The following TFCP2 variants were observed in gnomAD, a reference collection of about 807,000 sequenced individuals.
The protein encoded by TFCP2 is transcription factor CP2, also known as alpha-globin transcription factor CP2.
In TFCP2, 33 loss-of-function variants were observed where a neutral mutation model predicts 73.4. That is an observed-to-expected ratio of 0.45 (90% CI 0.34 to 0.60). TFCP2 has a LOEUF of 0.60. Ranked by LOEUF, TFCP2 falls within the 20% of genes least tolerant of loss-of-function variation. The probability of loss-of-function intolerance (pLI) is 0.01; values close to 1 mark genes in which losing one functional copy is unlikely to be tolerated. For synonymous variants in TFCP2, 193 were observed against 211.6 expected (o/e 0.91, Z 0.76); for missense variants, 352 against 604.0 (o/e 0.58, Z 4.37).
chr12:51,166,844 C>A (rs1178482258), intron 1 of TFCP2, among the ~76,000 whole-genome samples: 2 of 152,172 alleles, frequency 1.3e-5, no homozygotes, highest in African/African-American at 4.8e-5. Flanking sequence ...TTTTGCAAAA[C>A]CCATCATCAT....
intron 1 of TFCP2, among the ~76,000 whole-genome samples, chr12:51,120,765 C>T (rs935636035): frequency 6.6e-6 from 1 of 151,658 alleles, no homozygotes; most frequent in African/African-American, 2.4e-5. Flanking sequence ...CCCATCTCTA[C>T]TATTAATAAA....
At chr12:51,137,667 C>CA (rs1255889990) in intron 1 of TFCP2, among the ~76,000 whole-genome samples, 2 of 152,008 alleles carry the variant, frequency 1.3e-5, no homozygotes, top group Non-Finnish European at 2.9e-5. Flanking sequence ...TCCAGTTAGG[C>CA]AAAAAATGGC....
At chr12:51,161,241 C>T (rs1002268009) in intron 1 of TFCP2, among the ~76,000 whole-genome samples, 6 of 152,020 alleles carry the variant, frequency 3.9e-5, no homozygotes, top group African/African-American at 1.2e-4. Flanking sequence ...ATGCAGCTTT[C>T]GTAAGTAACA....
intron 8 of TFCP2, among the ~76,000 whole-genome samples, chr12:51,105,086 C>T (rs928287351): frequency 1.3e-5 from 2 of 150,594 alleles, no homozygotes; most frequent in Non-Finnish European, 3.0e-5. Flanking sequence ...CTCCACACTC[C>T]AGTTTTTCTT....
intron 1 of TFCP2, among the ~76,000 whole-genome samples, chr12:51,145,118 T>A (rs1157595013): frequency 6.6e-6 from 1 of 151,234 alleles, no homozygotes; most frequent in East Asian, 1.9e-4. Context: ...GGAGAATCGC[T>A]TGAACCTGGG....
intron 1 of TFCP2, among the ~76,000 whole-genome samples, chr12:51,124,157 G>A (rs150116202): frequency 4.4e-4 from 67 of 151,758 alleles, no homozygotes; most frequent in Non-Finnish European, 6.2e-4. Context: ...GTACAGTGGC[G>A]TGATCAAAGC....
chr12:51,154,929 C>T (rs1437656140), intron 1 of TFCP2, among the ~76,000 whole-genome samples: 7 of 152,096 alleles, frequency 4.6e-5, no homozygotes, highest in Admixed American at 4.6e-4. Context: ...GCGGGTAAAG[C>T]ATGATTTCTG....
chr12:51,128,351 G>A (rs1287470573), intron 1 of TFCP2, among the ~76,000 whole-genome samples: 1 of 151,868 alleles, frequency 6.6e-6, no homozygotes, highest in Non-Finnish European at 1.5e-5. Context: ...AACTAGTATT[G>A]GCATTAGGAG....
chr12:51,122,179 C>T (rs950211981), intron 1 of TFCP2, among the ~76,000 whole-genome samples: 1 of 149,772 alleles, frequency 6.7e-6, no homozygotes, highest in Non-Finnish European at 1.5e-5. Flanking sequence ...GTCTGAATAA[C>T]AATGTTATTA....
Position 51,104,154 on chromosome 12 carries a change from C to T in TFCP2, c.966+1G>A, listed in dbSNP as rs1207422822. The T allele has an allele frequency of 6.2e-7, 1 of 1,614,054 alleles. No individual in the cohort carries two copies. The highest frequency in any genetic ancestry group is 8.5e-7 in the Non-Finnish European group (1 of 1,179,938). On this transcript the variant is annotated splice_donor_variant, in intron 9 of 14. Transcript: ENST00000257915. LOFTEE classifies it high-confidence loss of function. ...TAACTGACATTCAACTTTAGACTTA[C>T]ATCTGTGACTGGAGGGGGTGGCTCT...
At chr12:51,105,360 G>C (rs749455833) in intron 8 of TFCP2, among the ~76,000 whole-genome samples, 10 of 152,084 alleles carry the variant, frequency 6.6e-5, no homozygotes, top group Non-Finnish European at 1.2e-4. Context: ...CCAAAGTGCT[G>C]GGATTGCAGG....
chr12:51,146,566 G>A (rs571109155), intron 1 of TFCP2, among the ~76,000 whole-genome samples: 4 of 152,168 alleles, frequency 2.6e-5, no homozygotes, highest in South Asian at 2.1e-4. Flanking sequence ...ATGCAGAACC[G>A]AAACACCTGA....
chr12:51,162,457 A>AAG (rs1265233121), intron 1 of TFCP2, among the ~76,000 whole-genome samples: 1 of 149,942 alleles, frequency 6.7e-6, no homozygotes, highest in African/African-American at 2.5e-5. Flanking sequence ...AAAAAAAAAA[A>AAG]AAAGAAAAGA....
intron 1 of TFCP2, among the ~76,000 whole-genome samples, chr12:51,134,377 C>A (rs553578258): frequency 6.6e-6 from 1 of 152,258 alleles, no homozygotes; most frequent in Admixed American, 6.5e-5. Flanking sequence ...CTTCACCTCC[C>A]GGGCTGAAGC....
intron 1 of TFCP2, among the ~76,000 whole-genome samples, chr12:51,122,284 A>T (rs1433302888): frequency 1.8e-5 from 2 of 111,984 alleles, no homozygotes; most frequent in Non-Finnish European, 1.7e-5. Context: ...TTTGAGATAG[A>T]GTCTCCCTCT....
intron 1 of TFCP2, among the ~76,000 whole-genome samples, chr12:51,139,576 C>T (rs1384846762): frequency 3.3e-5 from 5 of 152,116 alleles, no homozygotes; most frequent in Non-Finnish European, 7.3e-5. Context: ...CAGGGCCTCA[C>T]TATGTTGCCC....
intron 1 of TFCP2, among the ~76,000 whole-genome samples, chr12:51,168,703 A>G (rs1249793927): frequency 6.6e-6 from 1 of 151,910 alleles, no homozygotes; most frequent in Non-Finnish European, 1.5e-5. Context: ...CAGGCTGATG[A>G]AAACTCTTGA....
At chr12:51,148,127 A>T (rs553698453) in intron 1 of TFCP2, among the ~76,000 whole-genome samples, 94 of 149,284 alleles carry the variant, frequency 6.3e-4, no homozygotes, top group African/African-American at 2.1e-3. Context: ...TCAAAAAATT[A>T]AAAAAAAATA....
chr12:51,124,593 A>C (rs1415844444), intron 1 of TFCP2: 2 of 507,144 alleles, frequency 3.9e-6, no homozygotes, highest in Admixed American at 2.3e-5. Context: ...CTCATGGGGC[A>C]GCCGGAGGAG....
Sources: gnomAD v4.1 joint callset for allele counts (sites outside exome capture counted in the v4.1 genomes callset) on GRCh38, gnomAD v4.1.1 for gene constraint, MANE v1.5 for transcripts, NCBI Gene and HGNC (gene_info 2026-07-23, HGNC 2026-07-21) for gene names.